The following AKR1A1 variants were observed in gnomAD, a reference collection of about 807,000 sequenced individuals.
AKR1A1 encodes the protein aldo-keto reductase family 1 member A1.
AKR1A1 carries 26 observed loss-of-function variants against 39.2 expected under a neutral mutation model. The observed-to-expected ratio is 0.66, with a 90% confidence interval of 0.49 to 0.92. The LOEUF (loss-of-function observed/expected upper bound fraction) is 0.92. Among genes scored for constraint, AKR1A1 ranks in the 40% least tolerant of loss-of-function variants. The probability of loss-of-function intolerance (pLI) is 0.00; values close to 1 mark genes in which losing one functional copy is unlikely to be tolerated. For missense variants in AKR1A1, 378 were observed against 406.5 expected (o/e 0.93, Z 0.60); for synonymous variants, 141 against 155.5 (o/e 0.91, Z 0.69).
rs77280388 is a variant in AKR1A1 at position 45,564,202 on chromosome 1, T to C, written c.84+2324T>C. Among the ~76,000 whole-genome samples, 576 of 152,306 alleles carry C rather than the reference T, an allele frequency of 3.8e-3. 8 individuals are homozygous for C. Among genetic ancestry groups the C allele is most frequent in the East Asian group, 0.035 (183 of 5,180 alleles). On this transcript the variant is annotated intron_variant, in intron 2 of 8. Coordinates refer to ENST00000351829, the MANE Select transcript of AKR1A1 (RefSeq NM_153326.3). ...GCCTGGAGCCAGGGTCCCTGTGCTT[T>C]AGGCAGGCACTTCTCACAGCCTCGG...
At position 45,561,810 on chromosome 1, in the gene AKR1A1, G is replaced by A. The variant is rs1260578566; in HGVS notation, c.16G>A (p.Val6Ile). The A allele has an allele frequency of 6.2e-7, 1 of 1,614,024 alleles. No individual in the cohort carries two copies. The change falls in exon 2 of 9, where the codon GTT (valine) becomes ATT (isoleucine). Residue 6 changes from valine (V) to isoleucine (I), a missense_variant. Val to Ile is a conservative substitution (Grantham distance 29). Coordinates refer to ENST00000351829, the MANE Select transcript of AKR1A1 (RefSeq NM_153326.3). Reference protein sequence around the residue: MAASCVLLHTGQKMPL... With the variant: MAASCILLHTGQKMPL... Reference sequence around the variant, plus strand: ...TCAGGGGGCAATGGCGGCTTCCTGTGTTCTACTGCACACTGGGCAGAAGAT... The same window carrying A: ...TCAGGGGGCAATGGCGGCTTCCTGTATTCTACTGCACACTGGGCAGAAGAT...
intron 1 of AKR1A1, among the ~76,000 whole-genome samples, chr1:45,557,547 G>A (rs755217457): frequency 5.3e-5 from 8 of 152,168 alleles, no homozygotes; most frequent in Non-Finnish European, 1.0e-4. Flanking sequence ...CCTTAAGCCA[G>A]GGTGTTGTTC....
intron 1 of AKR1A1, among the ~76,000 whole-genome samples, chr1:45,561,504 A>T (rs970545167): frequency 2.6e-5 from 4 of 152,046 alleles, no homozygotes; most frequent in African/African-American, 9.7e-5. Flanking sequence ...CCCAGGTTCA[A>T]GTGATTCTTG....
chr1:45,552,962 T>C (rs991660307), intron 1 of AKR1A1, among the ~76,000 whole-genome samples: 17 of 151,722 alleles, frequency 1.1e-4, no homozygotes, highest in African/African-American at 3.6e-4. Flanking sequence ...CTCTCCGTAC[T>C]AAAAATACAA....
At chr1:45,555,895 A>G (rs1644195660) in intron 1 of AKR1A1, among the ~76,000 whole-genome samples, 1 of 152,140 alleles carries the variant, frequency 6.6e-6, no homozygotes, top group Non-Finnish European at 1.5e-5. Context: ...TATACATACT[A>G]GTGGAGAGGT....
chr1:45,564,302 G>T (rs1385229884), intron 2 of AKR1A1, among the ~76,000 whole-genome samples: 4 of 152,130 alleles, frequency 2.6e-5, no homozygotes, highest in Admixed American at 2.6e-4. Flanking sequence ...GGAACAGCAG[G>T]GGTCAGATGT....
chr1:45,553,157 C>T (rs1047724464), intron 1 of AKR1A1, among the ~76,000 whole-genome samples: 1 of 151,816 alleles, frequency 6.6e-6, no homozygotes, highest in African/African-American at 2.4e-5. Context: ...GGCACAGTGG[C>T]TTATGCCTAT....
rs189646799 is a variant in AKR1A1, at chr1:45,562,592, C to T, written c.84+714C>T. On this transcript the variant is annotated intron_variant, in intron 2 of 8. Transcript: ENST00000351829. ...TGGCGTGATCTTGGCTCACTGCAAC[C>T]TCTGCCTCATGGGTTCAAGTGATTC... Among the ~76,000 whole-genome samples, 505 of 152,122 alleles carry T rather than the reference C, an allele frequency of 3.3e-3. 4 individuals carry two copies. The highest frequency in any genetic ancestry group is 0.011 in the African/African-American group (474 of 41,502).
At chr1:45,561,275 T>C (rs1644273584) in intron 1 of AKR1A1, among the ~76,000 whole-genome samples, 1 of 152,106 alleles carries the variant, frequency 6.6e-6, no homozygotes, top group South Asian at 2.1e-4. Flanking sequence ...GCCAGGCTGG[T>C]GGTCTGGTTA....
intron 2 of AKR1A1, among the ~76,000 whole-genome samples, chr1:45,563,472 A>G (rs1644303649): frequency 6.6e-6 from 1 of 151,948 alleles, no homozygotes; most frequent in Non-Finnish European, 1.5e-5. Flanking sequence ...GGAGGTGATT[A>G]TACACTCATG....
In AKR1A1 at chr1:45,566,659, GC is replaced by G; in HGVS notation, c.178del (p.Leu60Ter). On this transcript the variant is annotated frameshift_variant, in exon 3 of 9. Transcript: ENST00000351829. LOFTEE classifies it high-confidence loss of function. ...CGGCAATGAGCCTGAGATTGGGGAG[GC>G]CCTGAAGGAGGACGTGGGACCAGGC... ...IYGNEPEIGE[A>X]LKEDVGPGKA... is the part of the protein sequence containing the mutation. The G allele has an allele frequency of 1.9e-6, 3 of 1,614,246 alleles. No homozygotes were observed. Among genetic ancestry groups the G allele is most frequent in the South Asian group, 2.2e-5 (2 of 91,088 alleles).
chr1:45,568,619 G>A lies in AKR1A1; in HGVS notation c.687G>A (p.Leu229=). ...GTGATCCTGATGAGCCTGTCCTGCT[G>A]GAGGAACCAGTAGTCCTGGCATTGG... ...AWRDPDEPVL[L]EEPVVLALAE... The change falls in exon 6 of 9, where the codon CTG becomes CTA. Residue 229 remains leucine (L), a synonymous_variant. Transcript: ENST00000351829. 1 of 1,613,972 alleles carries A rather than the reference G, an allele frequency of 6.2e-7. No homozygotes were observed. The highest frequency in any genetic ancestry group is 8.5e-7 in the Non-Finnish European group (1 of 1,179,932).
intron 1 of AKR1A1, among the ~76,000 whole-genome samples, chr1:45,556,136 C>T (rs1032705612): frequency 2.0e-5 from 3 of 152,162 alleles, no homozygotes; most frequent in Non-Finnish European, 4.4e-5. Flanking sequence ...TACTTCCCTG[C>T]AGCCAGGCAG....
At chr1:45,562,403 A>G (rs953190658) in intron 2 of AKR1A1, among the ~76,000 whole-genome samples, 11 of 141,846 alleles carry the variant, frequency 7.8e-5, no homozygotes, top group Non-Finnish European at 1.3e-4. Context: ...GTGCAGTGGC[A>G]CAATCTTGGC....
chr1:45,567,694 GT>G (rs1422390803), intron 4 of AKR1A1: 1 of 233,398 alleles, frequency 4.3e-6, no homozygotes, highest in African/African-American at 2.3e-5. Context: ...GCGCGTGGTG[GT>G]GAGCGCCTGT....
intron 1 of AKR1A1, among the ~76,000 whole-genome samples, chr1:45,554,207 A>C (rs950396326): frequency 6.6e-6 from 1 of 152,092 alleles, no homozygotes; most frequent in African/African-American, 2.4e-5. Flanking sequence ...CAGAAGGACC[A>C]CTTGAGCCCA....
intron 1 of AKR1A1, among the ~76,000 whole-genome samples, chr1:45,558,611 G>T (rs1237687483): frequency 6.6e-6 from 1 of 151,866 alleles, no homozygotes; most frequent in Non-Finnish European, 1.5e-5. Context: ...TGTTGGTCAG[G>T]CTGGTCTCGA....
At chr1:45,567,826 CAA>C (rs372088222) in intron 4 of AKR1A1, 154 bp from the exon 5 acceptor site, 9,745 of 517,910 alleles carry the variant, frequency 0.019, no homozygotes, top group South Asian at 0.034. Flanking sequence ...GACTCCATCT[CAA>C]AAAAAAAAAA....
intron 4 of AKR1A1, 147 bp from the exon 5 acceptor site, chr1:45,567,835 A>G (rs1256714122): frequency 6.4e-6 from 5 of 787,356 alleles, no homozygotes; most frequent in South Asian, 2.1e-5. Flanking sequence ...TCAAAAAAAA[A>G]AAAAAAGAAA....
Sources: allele counts gnomAD v4.1 joint callset (sites outside exome capture counted in the v4.1 genomes callset), GRCh38; gene constraint gnomAD v4.1.1; transcripts MANE v1.5; gene names NCBI Gene and HGNC (gene_info 2026-07-23, HGNC 2026-07-21).